CIITA: variants seen among roughly 807,000 people sequenced by gnomAD.
CIITA encodes class II major histocompatibility complex transactivator, also known as MHC class II transactivator.
Under a neutral mutation model 115.1 loss-of-function variants are expected in CIITA, and 72 were observed. The ratio of observed to expected loss-of-function variants is 0.63; its 90% CI spans 0.52 to 0.76. CIITA has a LOEUF of 0.76. CIITA is among the 30% of genes least tolerant of loss of function. The pLI is 0.00. For missense variants in CIITA, 1,617 were observed against 1,463.8 expected, an observed-to-expected ratio of 1.10 and a Z score of -1.71; for synonymous variants, 763 against 635.6, an observed-to-expected ratio of 1.20 and a Z score of -3.02.
intron 3 of CIITA, among the ~76,000 whole-genome samples, chr16:10,897,514 G>A (rs971984579): frequency 5.3e-5 from 8 of 152,192 alleles, no homozygotes; most frequent in African/African-American, 1.4e-4. Context: ...AAACATTCAC[G>A]TCATAACAGG....
chr16:10,874,424 G>A (rs937327606), upstream of CIITA, among the ~76,000 whole-genome samples: 1 of 152,034 alleles, frequency 6.6e-6, no homozygotes, highest in African/African-American at 2.4e-5. Flanking sequence ...TGAGACATCC[G>A]GCCCCCTCCC....
intron 1 of CIITA, among the ~76,000 whole-genome samples, chr16:10,894,929 G>C (rs1201569249): frequency 6.6e-6 from 1 of 152,170 alleles, no homozygotes; most frequent in Non-Finnish European, 1.5e-5. Context: ...AAATGTGCCA[G>C]CTCATGTGCC....
intron 1 of CIITA, among the ~76,000 whole-genome samples, chr16:10,868,421 C>A (rs1051535814): frequency 1.3e-5 from 2 of 152,202 alleles, no homozygotes; most frequent in African/African-American, 4.8e-5. Flanking sequence ...TACCAGCTTT[C>A]CTGCCAAGAC....
rs2040602692 is a variant in CIITA, at chr16:10,927,967, G to A, written c.*4112G>A. The A allele has an allele frequency of 6.6e-6, 1 of 152,140 alleles. No homozygotes were observed. 9.4% of individuals were successfully genotyped at this position (152,140 alleles called of 1,614,324 possible). A position where few individuals can be genotyped will look rare whatever the true frequency, so the allele number is the denominator to read the frequency against. On this transcript the variant is annotated 3_prime_UTR_variant, in exon 20 of 20. Coordinates refer to ENST00000324288, the MANE Select transcript of CIITA (RefSeq NM_000246.4). ...TTGTAAGTCCACGCACCTTCCAAAT[G>A]GTCACTCTTCCTCGCAGGCCTCTCT... is the stretch of plus-strand genomic sequence containing the variant.
Position 10,901,422 on chromosome 16 carries a change from A to G in CIITA, c.437-92A>G. ...CCCCAAGACCACTACCCAGCCTTGA[A>G]GTTAAGGCCGTATAGCCTGCTAGAG... On this transcript the variant is annotated intron_variant, in intron 5 of 19. Coordinates refer to ENST00000324288, the MANE Select transcript of CIITA (RefSeq NM_000246.4). This position sits in a 1 kb window ranked among gnomAD's most constrained non-coding sequence, Gnocchi z 6.8. 4 of 1,378,366 alleles carry G rather than the reference A, an allele frequency of 2.9e-6. No individual in the cohort carries two copies. The highest frequency in any genetic ancestry group is 1.2e-5 in the South Asian group (1 of 84,766). 85.4% of individuals were successfully genotyped at this position (1,378,366 alleles called of 1,614,324 possible).
In CIITA at chr16:10,942,252, T is replaced by G. The variant is rs1027770187; in HGVS notation, n.1378T>G. Reference sequence around the variant, plus strand: ...GCCCGGGCGGCGAGGCGGGCCCCCCTGAAGTGGCCCGCGGCTGCCCGGCTC... The same window carrying G: ...GCCCGGGCGGCGAGGCGGGCCCCCCGGAAGTGGCCCGCGGCTGCCCGGCTC... On this transcript the variant is annotated non_coding_transcript_exon_variant, in exon 2 of 2. Coordinates refer to the CIITA transcript ENST00000573379. This position sits in a 1 kb window ranked among gnomAD's most constrained non-coding sequence, Gnocchi z 5.0. 2 of 352,518 alleles carry G rather than the reference T, an allele frequency of 5.7e-6. No individual in the cohort carries two copies. Among genetic ancestry groups the G allele is most frequent in the South Asian group, 8.9e-5 (2 of 22,464 alleles). 21.8% of individuals were successfully genotyped at this position (352,518 alleles called of 1,614,324 possible).
rs2039139737 is a variant in CIITA, at chr16:10,906,217, G to C, written c.1007-282G>C. Among the ~76,000 whole-genome samples the C allele has an allele frequency of 2.0e-5, 3 of 152,074 alleles. No homozygotes were observed. In the South Asian group the frequency reaches 6.2e-4, roughly 32 times the overall value. ...CTACAAAAAAATCAAAAAATTATCTGGGCATGGTGTCACATGTCTGTGGTC... is the reference window on the plus strand; with the variant it reads ...CTACAAAAAAATCAAAAAATTATCTCGGCATGGTGTCACATGTCTGTGGTC... On this transcript the variant is annotated intron_variant, in intron 10 of 19. Coordinates refer to ENST00000324288, the MANE Select transcript of CIITA (RefSeq NM_000246.4).
intron 1 of CIITA, among the ~76,000 whole-genome samples, chr16:10,883,506 C>T (rs1268176071): frequency 6.6e-6 from 1 of 152,120 alleles, no homozygotes; most frequent in Admixed American, 6.5e-5. Context: ...GAGATGATGG[C>T]CCATTCGAGT....
chr16:10,877,369 G>A lies in CIITA; in HGVS notation c.39G>A (p.Leu13=). ...CLAPRPAGSY[L]SEPQGSSQCA... ...CTCCACGCCCTGCTGGGTCCTACCT[G>A]TCAGAGCCCCAAGGTAAAAAGGCCG... Residue 13 remains leucine, a synonymous_variant, in exon 1 of 20, where the codon CTG becomes CTA. Transcript: ENST00000324288. 6.2e-7 allele frequency: 1 copy of A among 1,613,264 alleles called. No homozygotes were observed. Among genetic ancestry groups the A allele is most frequent in the African/African-American group, 1.3e-5 (1 of 75,004 alleles).
chr16:10,897,486 A>G (rs1267452652), intron 3 of CIITA, among the ~76,000 whole-genome samples: 3 of 152,186 alleles, frequency 2.0e-5, no homozygotes, highest in African/African-American at 7.2e-5. Flanking sequence ...ACATTTATAC[A>G]TGAGTTTTGG....
At position 10,929,458 on chromosome 16, in the gene CIITA, G is replaced by A; in HGVS notation, c.*5603G>A. On this transcript the variant is annotated 3_prime_UTR_variant, in exon 20 of 20. Coordinates refer to ENST00000324288, the MANE Select transcript of CIITA (RefSeq NM_000246.4). The surrounding 1 kb of genome is among the most constrained non-coding windows in gnomAD (Gnocchi z 4.3). ...TTGCGTTCCCCCTTCTGTGGGAGCA[G>A]GTGCCTTCCCAACCTCAGCACTCAG... The A allele has an allele frequency of 1.0e-6, 1 of 985,790 alleles. No homozygotes were observed. 61.1% of individuals were successfully genotyped at this position (985,790 alleles called of 1,614,324 possible).
chr16:10,886,671 C>A (rs1004592920), intron 1 of CIITA, among the ~76,000 whole-genome samples: 6 of 152,208 alleles, frequency 3.9e-5, no homozygotes, highest in African/African-American at 1.4e-4. Context: ...TGTCACTTTG[C>A]TGTTTTATTT....
intron 1 of CIITA, among the ~76,000 whole-genome samples, chr16:10,887,653 G>A (rs982282975): frequency 3.3e-5 from 5 of 151,996 alleles, no homozygotes; most frequent in East Asian, 3.9e-4. Flanking sequence ...CCACCACCAC[G>A]CCCAGCTCAT....
chr16:10,911,056 G>A (rs2039526800), intron 13 of CIITA, among the ~76,000 whole-genome samples: 1 of 152,174 alleles, frequency 6.6e-6, no homozygotes, highest in African/African-American at 2.4e-5. Flanking sequence ...TGTTGCTGGG[G>A]TGACAGAAAT....
intron 1 of CIITA, among the ~76,000 whole-genome samples, chr16:10,892,195 G>A (rs1008651295): frequency 6.6e-6 from 1 of 152,082 alleles, no homozygotes; most frequent in African/African-American, 2.4e-5. Context: ...ATGGTGGCGG[G>A]TGCCTGTAAT....
At chr16:10,871,611 C>T (rs980419325) in intron 1 of CIITA, among the ~76,000 whole-genome samples, 2 of 152,196 alleles carry the variant, frequency 1.3e-5, no homozygotes, top group Non-Finnish European at 2.9e-5. Flanking sequence ...AAGCTCCCTT[C>T]CTCCAGCTTC....
In CIITA at chr16:10,902,727, T is replaced by C. The variant is rs747982404; in HGVS notation, c.698T>C (p.Ile233Thr). Reference sequence around the variant, plus strand: ...GGACCCATCCAGTTTGTCCCCACCATCTCCACTCTGCCCCATGGGCTCTGG... The same window carrying C: ...GGACCCATCCAGTTTGTCCCCACCACCTCCACTCTGCCCCATGGGCTCTGG... ...PEGPIQFVPT[I>T]STLPHGLWQI... is the part of the protein sequence containing the mutation. The change falls in exon 8 of 20, where the codon ATC becomes ACC. Residue 233 changes from isoleucine to threonine, a missense_variant. By Grantham distance (89) the Ile-to-Thr change is moderately conservative (BLOSUM62 -1). Transcript: ENST00000324288. 1.2e-6 allele frequency: 2 copies of C among 1,614,032 alleles called. No individual in the cohort carries two copies. The highest frequency in any genetic ancestry group is 2.7e-5 in the African/African-American group (2 of 74,914).
At chr16:10,867,969 C>T (rs192808169) in intron 1 of CIITA, among the ~76,000 whole-genome samples, 456 of 152,120 alleles carry the variant, frequency 3.0e-3, no homozygotes, top group Non-Finnish European at 4.9e-3. Context: ...ACTATGTTGA[C>T]CAGGCTGCTT....
rs766452566 is a variant in CIITA, at chr16:10,902,809, CG to C, written c.772+12del. The C allele has an allele frequency of 2.5e-6, 4 of 1,613,966 alleles. No homozygotes were observed. In the Admixed American group the frequency reaches 6.7e-5, roughly 27 times the overall value. On this transcript the variant is annotated intron_variant, in intron 8 of 19. Coordinates refer to ENST00000324288, the MANE Select transcript of CIITA (RefSeq NM_000246.4). ...GTATATTCATCTACCATGGTGAGTGCGGGGCCTGGCTCCCCGACCACCTCTC... is the reference window on the plus strand; with the variant it reads ...GTATATTCATCTACCATGGTGAGTGCGGGCCTGGCTCCCCGACCACCTCTC...
Sources: gnomAD v4.1 joint callset for allele counts (sites outside exome capture counted in the v4.1 genomes callset) on GRCh38, gnomAD v4.1.1 for gene constraint, Gnocchi (gnomAD v3.1) non-coding constraint, MANE v1.5 for transcripts, NCBI Gene and HGNC (gene_info 2026-07-23, HGNC 2026-07-21) for gene names.